The following ADARB2 variants were observed in gnomAD, a reference collection of about 807,000 sequenced individuals.
The protein encoded by ADARB2 is inactive double-stranded RNA-specific editase B2.
A neutral mutation model predicts 62.2 loss-of-function variants in ADARB2; 25 were observed. That is an observed-to-expected ratio of 0.40 (90% confidence interval 0.29 to 0.56). ADARB2 has a LOEUF of 0.56. Ranked by LOEUF, ADARB2 falls within the 20% of genes least tolerant of loss-of-function variation. The pLI, the probability that ADARB2 is intolerant of heterozygous loss-of-function variation, is 0.43. For missense variants in ADARB2, 1,071 were observed against 1,077.4 expected (o/e 0.99, Z 0.08); for synonymous variants, 572 against 500.8 (o/e 1.14, Z -1.90).
chr10:1,232,560 G>T (rs1269987518), intron 6 of ADARB2, among the ~76,000 whole-genome samples: 2 of 150,840 alleles, frequency 1.3e-5, no homozygotes. Flanking sequence ...TGTGGTGTAT[G>T]TGCTATGTGT....
At chr10:1,321,963 C>T (rs556567366) in intron 3 of ADARB2, among the ~76,000 whole-genome samples, 24 of 151,858 alleles carry the variant, frequency 1.6e-4, no homozygotes, top group Non-Finnish European at 2.8e-4. Context: ...TTTGGGTTCT[C>T]GGTGAGGGAT....
intron 4 of ADARB2, among the ~76,000 whole-genome samples, chr10:1,257,978 GA>G (rs1831095242): frequency 6.6e-6 from 1 of 152,194 alleles, no homozygotes; most frequent in Non-Finnish European, 1.5e-5. Context: ...TAATTAGCCT[GA>G]ATCCTTTAGA....
rs1836728826 is a variant in ADARB2 at position 1,184,850 on chromosome 10, G to A, written c.2043+11C>T. Reference sequence around the variant, plus strand: ...GGGTCCAGTTTCCCTGCAAGGATGGGTGCGACCTACCCTGCCATACAGCCG... The same window carrying A: ...GGGTCCAGTTTCCCTGCAAGGATGGATGCGACCTACCCTGCCATACAGCCG... On this transcript the variant is annotated intron_variant, in intron 9 of 9. Transcript: ENST00000381312. The A allele has an allele frequency of 1.2e-6, 2 of 1,609,742 alleles. No homozygotes were observed. The highest frequency in any genetic ancestry group is 2.2e-5 in the South Asian group (2 of 90,704).
intron 1 of ADARB2, among the ~76,000 whole-genome samples, chr10:1,500,596 A>G (rs536316245): frequency 1.4e-4 from 21 of 152,228 alleles, no homozygotes; most frequent in Non-Finnish European, 3.1e-4. Context: ...AAGGGTAAAA[A>G]TAATTTTGGG....
intron 1 of ADARB2, among the ~76,000 whole-genome samples, chr10:1,586,108 T>C (rs1194471618): frequency 1.3e-5 from 2 of 152,166 alleles, no homozygotes; most frequent in East Asian, 3.9e-4. Context: ...GCACACGTCA[T>C]CAGGACCTAC....
intron 1 of ADARB2, among the ~76,000 whole-genome samples, chr10:1,415,266 A>G (rs1832792430): frequency 6.7e-6 from 1 of 149,256 alleles, no homozygotes; most frequent in African/African-American, 2.5e-5. Context: ...ATGAGTGGTT[A>G]GATGCTGGAT....
chr10:1,412,622 G>C (rs1832768918), intron 1 of ADARB2, among the ~76,000 whole-genome samples: 1 of 152,120 alleles, frequency 6.6e-6, no homozygotes, highest in Non-Finnish European at 1.5e-5. Context: ...CCGCGTTTCA[G>C]GTAATCAACT....
intron 1 of ADARB2, among the ~76,000 whole-genome samples, chr10:1,529,891 C>T (rs1832202180): frequency 6.6e-6 from 1 of 152,238 alleles, no homozygotes; most frequent in South Asian, 2.1e-4. Flanking sequence ...TCCACTGCCC[C>T]CTGCCACCAC....
At chr10:1,521,162 G>A (rs1019457714) in intron 1 of ADARB2, among the ~76,000 whole-genome samples, 7 of 152,092 alleles carry the variant, frequency 4.6e-5, no homozygotes, top group East Asian at 1.9e-4. Flanking sequence ...TGTATTAGTC[G>A]TAGAAACTGC....
intron 7 of ADARB2, among the ~76,000 whole-genome samples, chr10:1,201,245 G>A (rs1467282716): frequency 1.3e-5 from 2 of 152,166 alleles, no homozygotes; most frequent in Non-Finnish European, 2.9e-5. Flanking sequence ...TCGGGGAGCC[G>A]CTCTCCCTCT....
rs527506958 is a variant in ADARB2 at position 1,573,894 on chromosome 10, A to T, written c.100+163157T>A. 3.9e-5 allele frequency among the ~76,000 whole-genome samples: 6 copies of T among 152,276 alleles called. No individual in the cohort carries two copies. The East Asian group carries it at 1.2e-3, about 29-fold the overall frequency. ...ATAGAGGTCAGTGACACCCAGTAAG[A>T]TGGCCGCTGGGCAGGACACAAGACA... On this transcript the variant is annotated intron_variant, in intron 1 of 9. Coordinates refer to ENST00000381312, the MANE Select transcript of ADARB2 (RefSeq NM_018702.4).
intron 1 of ADARB2, among the ~76,000 whole-genome samples, chr10:1,415,271 C>T (rs1010874405): frequency 6.8e-6 from 1 of 147,674 alleles, no homozygotes; most frequent in Non-Finnish European, 1.5e-5. Context: ...TGGTTAGATG[C>T]TGGATGGCTG....
chr10:1,600,297 C>G (rs903385749), intron 1 of ADARB2, among the ~76,000 whole-genome samples: 1 of 152,108 alleles, frequency 6.6e-6, no homozygotes, highest in Non-Finnish European at 1.5e-5. Context: ...TACCTTATCC[C>G]AGAAACTGCT....
intron 1 of ADARB2, 72 bp from the exon 2 acceptor site, chr10:1,379,232 T>C: frequency 7.9e-7 from 1 of 1,270,916 alleles, no homozygotes; most frequent in Admixed American, 1.8e-5. Context: ...TTATAAGTTC[T>C]TATTACTGAA....
At chr10:1,582,606 G>A (rs1434159862) in intron 1 of ADARB2, among the ~76,000 whole-genome samples, 1 of 152,124 alleles carries the variant, frequency 6.6e-6, no homozygotes, top group Non-Finnish European at 1.5e-5. Context: ...AATGCAATGG[G>A]TGCACCAAGC....
chr10:1,710,424 C>T (rs1254759869), intron 1 of ADARB2, among the ~76,000 whole-genome samples: 4 of 152,126 alleles, frequency 2.6e-5, no homozygotes, highest in Non-Finnish European at 4.4e-5. Context: ...AAGCAATTGC[C>T]GAAACTCCCT....
intron 1 of ADARB2, among the ~76,000 whole-genome samples, chr10:1,410,342 G>T (rs34174118): frequency 6.6e-6 from 1 of 151,716 alleles, no homozygotes; most frequent in African/African-American, 2.4e-5. Context: ...GTGGTGCTGA[G>T]GCCTGGCTGT....
chr10:1,612,563 TA>T (rs770662609), intron 1 of ADARB2, among the ~76,000 whole-genome samples: 20 of 152,352 alleles, frequency 1.3e-4, no homozygotes, highest in Middle Eastern at 3.4e-3. Flanking sequence ...TCCTTGTTTA[TA>T]GGTGAGAAAA....
At chr10:1,724,910 A>G (rs1301179576) in intron 1 of ADARB2, among the ~76,000 whole-genome samples, 1 of 152,244 alleles carries the variant, frequency 6.6e-6, no homozygotes, top group African/African-American at 2.4e-5. Context: ...AATGAAGACA[A>G]TAAATGTCAC....
Sources: allele counts gnomAD v4.1 joint callset (sites outside exome capture counted in the v4.1 genomes callset), GRCh38; gene constraint gnomAD v4.1.1; transcripts MANE v1.5; gene names NCBI Gene and HGNC (gene_info 2026-07-23, HGNC 2026-07-21).